Variants in GRID1 observed in about 807,000 individuals in gnomAD.
The protein encoded by GRID1 is glutamate ionotropic receptor delta type subunit 1.
GRID1 carries 28 observed loss-of-function variants against 98.0 expected under a neutral mutation model. That is an observed-to-expected ratio of 0.29 (90% CI 0.21 to 0.39). The LOEUF (loss-of-function observed/expected upper bound fraction) is 0.39, where lower values mean the gene tolerates loss of function less well. GRID1 is among the 10% of genes least tolerant of loss of function. The pLI is 1.00. For missense variants in GRID1, 1,111 were observed against 1,340.5 expected (o/e 0.83, Z 2.67); for synonymous variants, 553 against 538.5 (o/e 1.03, Z -0.37).
At chr10:85,633,324 A>T (rs1842996185) in intron 13 of GRID1, among the ~76,000 whole-genome samples, 1 of 152,188 alleles carries the variant, frequency 6.6e-6, no homozygotes, top group South Asian at 2.1e-4. Context: ...CCAAGATCTC[A>T]CAGCTGGTAA....
At chr10:85,988,727 C>A (rs1842642364) in intron 4 of GRID1, among the ~76,000 whole-genome samples, 3 of 152,218 alleles carry the variant, frequency 2.0e-5, no homozygotes, top group Non-Finnish European at 4.4e-5. Context: ...GCGCAGGAAT[C>A]TGTAGGGACT....
At chr10:86,260,797 C>T (rs975551295) in intron 2 of GRID1, among the ~76,000 whole-genome samples, 5 of 152,224 alleles carry the variant, frequency 3.3e-5, no homozygotes, top group African/African-American at 1.2e-4. Context: ...TTCATTCAGA[C>T]TCCACAATTA....
chr10:85,822,113 G>A (rs12240345), intron 8 of GRID1, among the ~76,000 whole-genome samples: 40,740 of 151,462 alleles, frequency 0.27, 5,531 homozygotes, highest in African/African-American at 0.33. Flanking sequence ...TTACCATTCA[G>A]GACATAGGCA....
chr10:86,144,976 T>A (rs1845064144), intron 3 of GRID1, among the ~76,000 whole-genome samples: 1 of 152,130 alleles, frequency 6.6e-6, no homozygotes, highest in African/African-American at 2.4e-5. Context: ...TCCTGCAGGG[T>A]CCCCTGACCC....
chr10:86,179,893 C>T (rs1845630345), intron 3 of GRID1, among the ~76,000 whole-genome samples: 1 of 152,210 alleles, frequency 6.6e-6, no homozygotes, highest in Non-Finnish European at 1.5e-5. Context: ...AGGAGGCCCA[C>T]ATTTATTACA....
intron 4 of GRID1, among the ~76,000 whole-genome samples, chr10:86,112,595 G>A (rs772301829): frequency 2.0e-5 from 3 of 150,744 alleles, no homozygotes; most frequent in Admixed American, 6.6e-5. Flanking sequence ...TGACAACTGC[G>A]GCCGAGCAGG....
intron 4 of GRID1, among the ~76,000 whole-genome samples, chr10:85,953,934 A>G (rs1235377002): frequency 6.6e-6 from 1 of 152,152 alleles, no homozygotes; most frequent in African/African-American, 2.4e-5. Flanking sequence ...GTGGTAGAAA[A>G]TCATTGCAGT....
chr10:86,244,725 C>CA (rs1846694177), intron 2 of GRID1, among the ~76,000 whole-genome samples: 1 of 152,204 alleles, frequency 6.6e-6, no homozygotes, highest in Non-Finnish European at 1.5e-5. Context: ...GCCACATGCC[C>CA]AAAGAAATAG....
At chr10:86,348,609 A>G (rs539138438) in intron 2 of GRID1, among the ~76,000 whole-genome samples, 1 of 152,240 alleles carries the variant, frequency 6.6e-6, no homozygotes, top group African/African-American at 2.4e-5. Flanking sequence ...GTGGGGGCCC[A>G]TCTGCTATGT....
intron 2 of GRID1, among the ~76,000 whole-genome samples, chr10:86,291,371 G>A (rs1383755524): frequency 6.6e-6 from 1 of 152,208 alleles, no homozygotes; most frequent in Non-Finnish European, 1.5e-5. Context: ...TAGAGGAAGG[G>A]AAGCTGAGGA....
intron 2 of GRID1, among the ~76,000 whole-genome samples, chr10:86,320,961 G>A (rs893345529): frequency 5.9e-5 from 9 of 152,034 alleles, no homozygotes; most frequent in Non-Finnish European, 8.8e-5. Context: ...TTGGCTGGGC[G>A]TGGTGGTGGG....
At chr10:85,772,617 G>A (rs904446456) in intron 8 of GRID1, among the ~76,000 whole-genome samples, 100 of 152,058 alleles carry the variant, frequency 6.6e-4, no homozygotes, top group African/African-American at 1.4e-3. Flanking sequence ...GCAAATAGAC[G>A]CAATAAAAAA....
intron 13 of GRID1, chr10:85,644,145 C>T (rs991976961): frequency 6.6e-6 from 1 of 152,218 alleles, no homozygotes; most frequent in African/African-American, 2.4e-5. Context: ...GAGCCCAGCA[C>T]TGCCTTGCTT....
At chr10:86,345,895 T>C (rs903675417) in intron 2 of GRID1, among the ~76,000 whole-genome samples, 13 of 152,156 alleles carry the variant, frequency 8.5e-5, no homozygotes, top group Admixed American at 6.5e-5. Context: ...GAGCCCTAGC[T>C]CCAGCTATGC....
chr10:86,187,554 G>C (rs1169647063), intron 3 of GRID1, among the ~76,000 whole-genome samples: 1 of 152,200 alleles, frequency 6.6e-6, no homozygotes, highest in African/African-American at 2.4e-5. Flanking sequence ...AACGAGACCA[G>C]GAAATGTGAG....
chr10:86,330,248 G>A (rs866866704), intron 2 of GRID1, among the ~76,000 whole-genome samples: 4 of 152,056 alleles, frequency 2.6e-5, no homozygotes, highest in East Asian at 3.9e-4. Context: ...CTTGCAGTGC[G>A]CCAATTTCCC....
intron 6 of GRID1, among the ~76,000 whole-genome samples, chr10:85,867,479 G>C (rs1423094318): frequency 6.6e-6 from 1 of 152,088 alleles, no homozygotes; most frequent in Non-Finnish European, 1.5e-5. Context: ...CACTGGGTGG[G>C]AATGGGCACA....
Position 86,118,704 on chromosome 10 carries a change from G to T in GRID1, c.726+20115C>A, listed in dbSNP as rs957528816. 2.6e-5 allele frequency among the ~76,000 whole-genome samples: 4 copies of T among 152,120 alleles called. No individual in the cohort carries two copies. In the South Asian group the frequency reaches 8.3e-4, roughly 31 times the overall value. On this transcript the variant is annotated intron_variant, in intron 4 of 15. Transcript: ENST00000327946. ...ACCTTGACAAACACTGCCTCAGCCA[G>T]GTGGTCAAGGTCTACACCAACAGTG... is the stretch of plus-strand genomic sequence containing the variant.
At chr10:86,087,623 G>T (rs1844082730) in intron 4 of GRID1, among the ~76,000 whole-genome samples, 2 of 152,022 alleles carry the variant, frequency 1.3e-5, no homozygotes, top group African/African-American at 4.8e-5. Flanking sequence ...ACTCCTATGT[G>T]TCCAATAATC....
Sources: allele counts gnomAD v4.1 joint callset (sites outside exome capture counted in the v4.1 genomes callset), GRCh38; gene constraint gnomAD v4.1.1; transcripts MANE v1.5; gene names NCBI Gene and HGNC (gene_info 2026-07-23, HGNC 2026-07-21).